E2F7: variants seen among roughly 807,000 people sequenced by gnomAD.
E2F7 encodes the protein E2F transcription factor 7, also known as transcription factor E2F7.
A neutral mutation model predicts 81.1 loss-of-function variants in E2F7; 35 were observed. The observed-to-expected ratio is 0.43, with a 90% CI of 0.33 to 0.57. E2F7 has a LOEUF of 0.57. E2F7 is among the 20% of genes least tolerant of loss of function. The pLI is 0.04. For missense variants in E2F7, 961 were observed against 1,093.7 expected (o/e 0.88, Z 1.71); for synonymous variants, 416 against 416.2 (o/e 1.00, Z 0.01).
chr12:77,036,787 G>A (rs1357433205), intron 7 of E2F7, among the ~76,000 whole-genome samples: 1 of 151,352 alleles, frequency 6.6e-6, no homozygotes, highest in African/African-American at 2.4e-5. Flanking sequence ...TGTCGCCCAG[G>A]CTGGAGTGCA....
At chr12:77,056,152 T>A in intron 2 of E2F7, 22 bp from the exon 3 acceptor site, 2 of 1,569,094 alleles carry the variant, frequency 1.3e-6, no homozygotes, top group Non-Finnish European at 1.7e-6. Context: ...AAGAAACTTT[T>A]AGCAAGAATG....
chr12:77,042,053 T>C (rs1954898698), intron 7 of E2F7, among the ~76,000 whole-genome samples: 1 of 152,186 alleles, frequency 6.6e-6, no homozygotes, highest in Non-Finnish European at 1.5e-5. Flanking sequence ...GAGCCAGATC[T>C]TGAAGGTTGA....
At chr12:77,026,899 T>G (rs535418289) in intron 11 of E2F7, among the ~76,000 whole-genome samples, 1 of 152,208 alleles carries the variant, frequency 6.6e-6, no homozygotes, top group African/African-American at 2.4e-5. Flanking sequence ...TGTATTTAAT[T>G]CTATGCATCC....
intron 2 of E2F7, 107 bp downstream of exon 2, chr12:77,064,436 A>T: frequency 1.1e-6 from 1 of 880,218 alleles, no homozygotes; most frequent in Non-Finnish European, 1.8e-6. Flanking sequence ...TATCAATATT[A>T]ATTATTATGC....
At chr12:77,053,560 A>T (rs923851925) in intron 3 of E2F7, among the ~76,000 whole-genome samples, 1 of 152,212 alleles carries the variant, frequency 6.6e-6, no homozygotes, top group African/African-American at 2.4e-5. Flanking sequence ...AGGTCCCCAG[A>T]TGACCTTTTG....
chr12:77,026,110 C>A, intron 11 of E2F7, 128 bp from the exon 12 acceptor site: 1 of 1,136,114 alleles, frequency 8.8e-7, no homozygotes. Flanking sequence ...GACCTTCCCC[C>A]AGCTGACCAG....
Position 77,030,000 on chromosome 12 carries a change from T to G in E2F7, c.1715A>C (p.Glu572Ala), listed in dbSNP as rs1954791762. Residue 572 changes from glutamate to alanine, a missense_variant, in exon 10 of 13, where the codon GAG becomes GCG. Physicochemically the swap from Glu to Ala is moderately radical, Grantham distance 107. Coordinates refer to ENST00000322886, the MANE Select transcript of E2F7 (RefSeq NM_203394.3). The part of the protein sequence containing the change: ...QEGPASGSGS[E>A]RDDRSSEAPA... ...GGCTTCTGAGCTTCTGTCATCCCTC[T>G]CTGACCCTGACCCTGACGCTGGTCC... The G allele has an allele frequency of 6.2e-7, 1 of 1,614,096 alleles. No homozygotes were observed. Among genetic ancestry groups the G allele is most frequent in the Non-Finnish European group, 8.5e-7 (1 of 1,180,050 alleles).
chr12:77,041,531 T>C (rs1009091444), intron 7 of E2F7, among the ~76,000 whole-genome samples: 1 of 152,136 alleles, frequency 6.6e-6, no homozygotes, highest in Non-Finnish European at 1.5e-5. Context: ...CACCTTTGAG[T>C]CCTTCCTCTC....
At chr12:77,055,787 T>A (rs970908101) in intron 3 of E2F7, 68 bp downstream of exon 3, 60 of 1,514,018 alleles carry the variant, frequency 4.0e-5, no homozygotes, top group Non-Finnish European at 4.9e-5. Context: ...GACAGTTCTA[T>A]GATTTTTTAA....
intron 4 of E2F7, 152 bp from the exon 5 acceptor site, chr12:77,046,480 G>C: frequency 1.3e-6 from 1 of 787,358 alleles, no homozygotes; most frequent in Non-Finnish European, 1.9e-6. Context: ...AACCTGTAAG[G>C]ATGCAAGCAA....
chr12:77,052,655 AC>A (rs1320728675), intron 3 of E2F7, among the ~76,000 whole-genome samples: 1 of 152,194 alleles, frequency 6.6e-6, no homozygotes, highest in African/African-American at 2.4e-5. Context: ...GACACAAAAA[AC>A]ATTACCCTTA....
chr12:77,036,720 C>A (rs1317237420), intron 7 of E2F7, among the ~76,000 whole-genome samples: 1 of 151,782 alleles, frequency 6.6e-6, no homozygotes, highest in East Asian at 1.9e-4. Context: ...GGCGATACCA[C>A]CTGGCGTCAA....
chr12:77,025,529 C>T (rs1201752540), intron 12 of E2F7, 29 bp downstream of exon 12: 2 of 1,607,992 alleles, frequency 1.2e-6, no homozygotes, highest in Non-Finnish European at 1.7e-6. Flanking sequence ...CCCAGAGTGA[C>T]AGTGTCTTCA....
chr12:77,027,505 C>A (rs1195524804), intron 11 of E2F7, among the ~76,000 whole-genome samples: 1 of 152,124 alleles, frequency 6.6e-6, no homozygotes, highest in Non-Finnish European at 1.5e-5. Flanking sequence ...GGCACTTGGC[C>A]ACAATTCTAT....
chr12:77,032,926 C>G, intron 9 of E2F7, 124 bp downstream of exon 9: 2 of 785,898 alleles, frequency 2.5e-6, no homozygotes, highest in Non-Finnish European at 4.1e-6. Context: ...AGAAAACTTA[C>G]CAATTCCTAA....
intron 9 of E2F7, among the ~76,000 whole-genome samples, chr12:77,030,735 T>C (rs1954799688): frequency 6.6e-6 from 1 of 152,178 alleles, no homozygotes; most frequent in African/African-American, 2.4e-5. Flanking sequence ...TTCCCCAGTT[T>C]ACTAGCGAGG....
At chr12:77,040,504 G>A (rs2120679755) in intron 7 of E2F7, among the ~76,000 whole-genome samples, 1 of 152,336 alleles carries the variant, frequency 6.6e-6, no homozygotes, top group Non-Finnish European at 1.5e-5. Flanking sequence ...ACAACTGACT[G>A]TGGAAACACC....
rs1157076638 is a variant in E2F7 at position 77,058,448 on chromosome 12, A to G, written c.94-2318T>C. On this transcript the variant is annotated intron_variant, in intron 2 of 12. Coordinates refer to ENST00000322886, the MANE Select transcript of E2F7 (RefSeq NM_203394.3). ...AACTTTCTGAAATTCTACACTTAAA[A>G]ATGAGCCTGTGTCCTGGGCACAAAC... is the stretch of plus-strand genomic sequence containing the variant. Among the ~76,000 whole-genome samples, 3 of 152,112 alleles carry G rather than the reference A, an allele frequency of 2.0e-5. No individual in the cohort carries two copies. In the East Asian group the frequency reaches 5.8e-4, roughly 29 times the overall value.
chr12:77,037,556 T>A (rs1306212773), intron 7 of E2F7, among the ~76,000 whole-genome samples: 2 of 152,226 alleles, frequency 1.3e-5, no homozygotes, highest in Non-Finnish European at 2.9e-5. Flanking sequence ...TGCAAGATTC[T>A]TGTACAATAC....
Sources: allele counts gnomAD v4.1 joint callset (sites outside exome capture counted in the v4.1 genomes callset), GRCh38; gene constraint gnomAD v4.1.1; transcripts MANE v1.5; gene names NCBI Gene and HGNC (gene_info 2026-07-23, HGNC 2026-07-21).